The following SEZ6L variants were observed in gnomAD, a reference collection of about 807,000 sequenced individuals.
SEZ6L encodes the protein seizure related 6 homolog like, also known as seizure 6-like protein.
A neutral mutation model predicts 106.2 loss-of-function variants in SEZ6L; 37 were observed. That is an observed-to-expected ratio of 0.35 (90% CI 0.27 to 0.46). The LOEUF (loss-of-function observed/expected upper bound fraction) is 0.46. Among genes scored for constraint, SEZ6L ranks in the 20% least tolerant of loss-of-function variants. The pLI is 1.00. For missense variants in SEZ6L, 1,172 were observed against 1,332.8 expected (o/e 0.88, Z 1.88); for synonymous variants, 541 against 570.4 (o/e 0.95, Z 0.73).
intron 11 of SEZ6L, 43 bp from the exon 12 acceptor site, chr22:26,351,009 C>G (rs765916636): frequency 3.2e-6 from 5 of 1,562,958 alleles, no homozygotes; most frequent in Non-Finnish European, 4.3e-6. Context: ...CCATGGTCAT[C>G]CAGAGGTCTG....
At chr22:26,274,598 G>T (rs764900625) in intron 1 of SEZ6L, among the ~76,000 whole-genome samples, 1 of 152,128 alleles carries the variant, frequency 6.6e-6, no homozygotes, top group Non-Finnish European at 1.5e-5. Context: ...TTCACTAGAA[G>T]GACTCAGAAC....
chr22:26,246,571 G>C (rs1309834432), intron 1 of SEZ6L, among the ~76,000 whole-genome samples: 1 of 149,120 alleles, frequency 6.7e-6, no homozygotes, highest in Admixed American at 6.6e-5. Flanking sequence ...AATGCCCAAA[G>C]GAAAAAAAAA....
At chr22:26,372,360 C>T (rs773856763) in intron 13 of SEZ6L, among the ~76,000 whole-genome samples, 1 of 152,222 alleles carries the variant, frequency 6.6e-6, no homozygotes, top group African/African-American at 2.4e-5. Context: ...CACTCTCACT[C>T]AACCACGGTG....
In SEZ6L at chr22:26,306,531, G is replaced by A. The variant is rs76023382; in HGVS notation, c.1514+387G>A. Among the ~76,000 whole-genome samples the A allele has an allele frequency of 0.01, 1,524 of 152,146 alleles. 92 individuals carry two copies. In the East Asian group the frequency reaches 0.16, roughly 16 times the overall value. On this transcript the variant is annotated intron_variant, in intron 6 of 16. Transcript: ENST00000248933. ...AACATGAAAGAAGTAGAAAATATTA[G>A]TTTCTGACATGATAGGAAATTGAGA... is the stretch of plus-strand genomic sequence containing the variant.
chr22:26,360,990 C>G (rs2083601596), intron 12 of SEZ6L, among the ~76,000 whole-genome samples: 1 of 152,038 alleles, frequency 6.6e-6, no homozygotes, highest in South Asian at 2.1e-4. Context: ...CTGCACTTCC[C>G]GAGGAGTAGG....
At chr22:26,204,998 A>G (rs1028636043) in intron 1 of SEZ6L, among the ~76,000 whole-genome samples, 1 of 152,238 alleles carries the variant, frequency 6.6e-6, no homozygotes, top group African/African-American at 2.4e-5. Context: ...GAACAGACCC[A>G]TGTCAGGTAA....
chr22:26,229,940 C>A (rs1183057103), intron 1 of SEZ6L, among the ~76,000 whole-genome samples: 1 of 152,206 alleles, frequency 6.6e-6, no homozygotes, highest in African/African-American at 2.4e-5. Context: ...AATTCTCTTG[C>A]TAAAATAAGC....
chr22:26,274,880 C>G (rs2080490752), intron 1 of SEZ6L, among the ~76,000 whole-genome samples: 1 of 152,224 alleles, frequency 6.6e-6, no homozygotes, highest in African/African-American at 2.4e-5. Context: ...GCATGATTGA[C>G]CACTCATGTG....
chr22:26,206,301 C>T (rs1213432663), intron 1 of SEZ6L, among the ~76,000 whole-genome samples: 1 of 152,218 alleles, frequency 6.6e-6, no homozygotes, highest in East Asian at 1.9e-4. Context: ...CTCCTTTACC[C>T]CCAATTCCTG....
intron 9 of SEZ6L, among the ~76,000 whole-genome samples, 187 bp downstream of exon 9, chr22:26,314,089 C>CAG (rs1233160833): frequency 4.9e-5 from 7 of 142,664 alleles, no homozygotes; most frequent in African/African-American, 2.0e-4. Context: ...CACACACACA[C>CAG]ACACACAGAG....
At position 26,380,326 on chromosome 22, in the gene SEZ6L, A is replaced by G; in HGVS notation, c.*31A>G. On this transcript the variant is annotated 3_prime_UTR_variant, in exon 17 of 17. Coordinates refer to ENST00000248933, the MANE Select transcript of SEZ6L (RefSeq NM_021115.5). ...GCTACACTTGAGAAGGGGACTTGTG[A>G]ACTCAACCACAATCTCCTCGAGACA... 6.3e-7 allele frequency: 1 copy of G among 1,592,552 alleles called. No individual in the cohort carries two copies. Among genetic ancestry groups the G allele is most frequent in the Non-Finnish European group, 8.6e-7 (1 of 1,160,438 alleles).
chr22:26,302,880 A>G (rs2081499517), intron 5 of SEZ6L, among the ~76,000 whole-genome samples: 1 of 152,196 alleles, frequency 6.6e-6, no homozygotes. Context: ...GCTTGGGAGG[A>G]CAGATGGCCA....
chr22:26,219,573 C>A (rs945823637), intron 1 of SEZ6L, among the ~76,000 whole-genome samples: 1 of 152,046 alleles, frequency 6.6e-6, no homozygotes, highest in Admixed American at 6.6e-5. Context: ...AGTAAATTAA[C>A]CACTTTCTAA....
At chr22:26,229,845 G>A (rs2078744158) in intron 1 of SEZ6L, among the ~76,000 whole-genome samples, 2 of 152,240 alleles carry the variant, frequency 1.3e-5, no homozygotes, top group African/African-American at 2.4e-5. Context: ...TTCAAAGCCA[G>A]GTGCAGGTGT....
chr22:26,323,863 A>G (rs888742555), intron 9 of SEZ6L, among the ~76,000 whole-genome samples: 2 of 151,808 alleles, frequency 1.3e-5, no homozygotes, highest in Non-Finnish European at 2.9e-5. Context: ...TGCTTTTTTT[A>G]CCTATAGTAA....
chr22:26,309,502 T>C (rs2081745076), intron 6 of SEZ6L, among the ~76,000 whole-genome samples: 1 of 152,158 alleles, frequency 6.6e-6, no homozygotes, highest in Non-Finnish European at 1.5e-5. Context: ...CACACAGTGC[T>C]CTTAGAAAAT....
intron 1 of SEZ6L, 74 bp downstream of exon 1, chr22:26,169,837 G>T: frequency 2.9e-6 from 2 of 700,480 alleles, no homozygotes; most frequent in South Asian, 1.3e-4. Context: ...GGTCGGGGCT[G>T]ACCAGGGCGA....
intron 1 of SEZ6L, among the ~76,000 whole-genome samples, chr22:26,227,583 A>ATT (rs11415829): frequency 0.047 from 6,519 of 139,974 alleles, 442 homozygotes; most frequent in African/African-American, 0.14. Flanking sequence ...CTAATTTTTA[A>ATT]TTTTTTTTTT....
At chr22:26,280,271 C>CAT (rs10541471) in intron 1 of SEZ6L, among the ~76,000 whole-genome samples, 5,128 of 151,752 alleles carry the variant, frequency 0.034, 100 homozygotes, top group Middle Eastern at 0.11. Flanking sequence ...CATTTATACA[C>CAT]ATATATATAT....
Sources: gnomAD v4.1 joint callset for allele counts (sites outside exome capture counted in the v4.1 genomes callset) on GRCh38, gnomAD v4.1.1 for gene constraint, MANE v1.5 for transcripts, NCBI Gene and HGNC (gene_info 2026-07-23, HGNC 2026-07-21) for gene names.